The following TRERF1 variants were observed in gnomAD, a reference collection of about 807,000 sequenced individuals.
The protein encoded by TRERF1 is transcriptional-regulating factor 1.
A neutral mutation model predicts 122.9 loss-of-function variants in TRERF1; 27 were observed. That is an observed-to-expected ratio of 0.22 (90% confidence interval 0.16 to 0.30). The LOEUF is 0.30. TRERF1 is among the 10% of genes least tolerant of loss of function. TRERF1 has a pLI of 1.00. For synonymous variants in TRERF1, 636 were observed against 641.7 expected (o/e 0.99, Z 0.13); for missense variants, 1,248 against 1,560.3 (o/e 0.80, Z 3.37).
chr6:42,351,999 G>GTGTTGCTGTTGTTGT (rs370495848), intron 3 of TRERF1, among the ~76,000 whole-genome samples: 5 of 152,024 alleles, frequency 3.3e-5, no homozygotes, highest in African/African-American at 1.2e-4. Flanking sequence ...TTTGGTGCGG[G>GTGTTGCTGTTGTTGT]TGTTGTTGTT....
At chr6:42,345,094 T>C (rs1351199852) in intron 3 of TRERF1, among the ~76,000 whole-genome samples, 5 of 152,176 alleles carry the variant, frequency 3.3e-5, no homozygotes, top group Non-Finnish European at 7.4e-5. Flanking sequence ...AAATTCTATA[T>C]ATAATGATTT....
chr6:42,408,210 A>ATAT (rs1780474103), intron 2 of TRERF1, among the ~76,000 whole-genome samples: 9 of 107,158 alleles, frequency 8.4e-5, no homozygotes, highest in South Asian at 3.2e-4. Flanking sequence ...TATATAAATA[A>ATAT]ATATATATAT....
rs565858978 is a variant in TRERF1, at chr6:42,308,976, G to A, written c.-370-8227C>T. Among the ~76,000 whole-genome samples, 24 of 151,870 alleles carry A rather than the reference G, an allele frequency of 1.6e-4. No individual in the cohort carries two copies. In the East Asian group the frequency reaches 3.9e-3, roughly 24 times the overall value. On this transcript the variant is annotated intron_variant, in intron 3 of 17. Coordinates refer to ENST00000372922, the Ensembl canonical transcript of TRERF1. ...TTTTTACGTGAAAAAAAAAATGACC[G>A]ATGGTTAATTTTATGTTGGTGAATT...
chr6:42,415,986 T>C (rs537962767), intron 2 of TRERF1, among the ~76,000 whole-genome samples: 2 of 152,270 alleles, frequency 1.3e-5, no homozygotes, highest in East Asian at 1.9e-4. Context: ...TTAAGTCTTT[T>C]ATGCCCGTTG....
chr6:42,349,529 C>T (rs1376913749), intron 3 of TRERF1, among the ~76,000 whole-genome samples: 1 of 151,918 alleles, frequency 6.6e-6, no homozygotes, highest in Non-Finnish European at 1.5e-5. Context: ...CATAAGCTAC[C>T]CAGTGAACCA....
intron 2 of TRERF1, among the ~76,000 whole-genome samples, chr6:42,419,499 T>C (rs1416514737): frequency 6.6e-6 from 1 of 152,018 alleles, no homozygotes; most frequent in Admixed American, 6.6e-5. Context: ...CCCCAACATG[T>C]GCCAACAAAT....
exon 18 of TRERF1, chr6:42,225,654 T>C (rs926557484): frequency 3.3e-5 from 5 of 152,024 alleles, no homozygotes. Context: ...CTGCTGAGAA[T>C]AGAACATAAC....
At chr6:42,359,080 TC>T (rs1256166330) in intron 3 of TRERF1, among the ~76,000 whole-genome samples, 1 of 152,104 alleles carries the variant, frequency 6.6e-6, no homozygotes, top group Non-Finnish European at 1.5e-5. Context: ...CGTCAAAGCC[TC>T]CTCCTCCTGG....
At chr6:42,446,725 G>A (rs186026722) in intron 2 of TRERF1, among the ~76,000 whole-genome samples, 38 of 152,254 alleles carry the variant, frequency 2.5e-4, no homozygotes, top group African/African-American at 8.4e-4. Context: ...TTCCGCAGCC[G>A]GGTGTGGTGC....
intron 4 of TRERF1, among the ~76,000 whole-genome samples, chr6:42,288,953 C>CTGTGTGTG (rs3074800): frequency 0.015 from 2,124 of 144,376 alleles, 28 homozygotes; most frequent in East Asian, 0.055. Flanking sequence ...ATCTTGAACT[C>CTGTGTGTG]TGTGTGTGTG....
At chr6:42,315,147 T>C (rs1762276282) in intron 3 of TRERF1, among the ~76,000 whole-genome samples, 2 of 152,156 alleles carry the variant, frequency 1.3e-5, no homozygotes, top group African/African-American at 2.4e-5. Context: ...GGTAGTGGTC[T>C]CCACCTGGAG....
intron 2 of TRERF1, among the ~76,000 whole-genome samples, chr6:42,402,643 T>G (rs1779557622): frequency 6.6e-6 from 1 of 152,188 alleles, no homozygotes; most frequent in East Asian, 1.9e-4. Context: ...TTCTGAATTC[T>G]TATAAAGTCA....
chr6:42,245,093 C>G (rs1157775957), intron 14 of TRERF1, among the ~76,000 whole-genome samples: 2 of 152,188 alleles, frequency 1.3e-5, no homozygotes, highest in Admixed American at 6.5e-5. Flanking sequence ...GTGCCCGTCC[C>G]AGAGAGCCCT....
chr6:42,397,665 CTAT>C (rs1778822576), intron 2 of TRERF1, among the ~76,000 whole-genome samples: 1 of 152,162 alleles, frequency 6.6e-6, no homozygotes, highest in African/African-American at 2.4e-5. Flanking sequence ...AAACCCCACT[CTAT>C]TAAACAGAAG....
intron 2 of TRERF1, among the ~76,000 whole-genome samples, chr6:42,379,572 C>T (rs1403858447): frequency 1.3e-5 from 2 of 152,120 alleles, no homozygotes; most frequent in Non-Finnish European, 2.9e-5. Context: ...GCTCTGTCAC[C>T]CAGGCTGGAG....
At chr6:42,425,952 T>C (rs1414933092) in intron 2 of TRERF1, among the ~76,000 whole-genome samples, 2 of 152,116 alleles carry the variant, frequency 1.3e-5, no homozygotes, top group African/African-American at 2.4e-5. Context: ...AGACTTTCCC[T>C]GCACGTGGGG....
chr6:42,385,139 G>C (rs1776583462), intron 2 of TRERF1, among the ~76,000 whole-genome samples: 1 of 152,052 alleles, frequency 6.6e-6, no homozygotes, highest in South Asian at 2.1e-4. Context: ...ACCACGCCCG[G>C]CTAATTTTTG....
chr6:42,358,504 C>T (rs1218009153), intron 3 of TRERF1, among the ~76,000 whole-genome samples: 1 of 152,240 alleles, frequency 6.6e-6, no homozygotes, highest in Non-Finnish European at 1.5e-5. Context: ...CAGGTGGGCA[C>T]CTGACACCTG....
intron 4 of TRERF1, among the ~76,000 whole-genome samples, chr6:42,273,591 AAAGG>A (rs1780631000): frequency 2.6e-5 from 4 of 152,332 alleles, no homozygotes; most frequent in African/African-American, 7.2e-5. Flanking sequence ...CAGCATAAAC[AAAGG>A]CATAAAGTCA....
Sources: gnomAD v4.1 joint callset for allele counts (sites outside exome capture counted in the v4.1 genomes callset) on GRCh38, gnomAD v4.1.1 for gene constraint, MANE v1.5 for transcripts, NCBI Gene and HGNC (gene_info 2026-07-23, HGNC 2026-07-21) for gene names.